The following RASA1 variants were observed in gnomAD, a reference collection of about 807,000 sequenced individuals.
The protein encoded by RASA1 is RAS p21 protein activator 1, also known as ras GTPase-activating protein 1.
In RASA1, 25 loss-of-function variants were observed where a neutral mutation model predicts 132.2. The observed-to-expected ratio is 0.19, with a 90% CI of 0.14 to 0.26. The LOEUF (loss-of-function observed/expected upper bound fraction) is 0.26, where lower values mean the gene tolerates loss of function less well. Ranked by LOEUF, RASA1 falls within the 10% of genes least tolerant of loss-of-function variation. The pLI is 1.00. For missense variants in RASA1, 964 were observed against 1,299.2 expected, an observed-to-expected ratio of 0.74 and a Z score of 3.97; for synonymous variants, 477 against 449.9, an observed-to-expected ratio of 1.06 and a Z score of -0.76.
chr5:87,369,549 T>C (rs1430966919), intron 11 of RASA1, among the ~76,000 whole-genome samples: 2 of 152,162 alleles, frequency 1.3e-5, no homozygotes, highest in East Asian at 1.9e-4. Context: ...TTTGTAACTT[T>C]ATTTCTAATG....
intron 4 of RASA1, among the ~76,000 whole-genome samples, chr5:87,335,150 G>A (rs1036001627): frequency 6.6e-6 from 1 of 152,100 alleles, no homozygotes; most frequent in Non-Finnish European, 1.5e-5. Context: ...CCAAAGTGCT[G>A]GAATTATGGG....
At chr5:87,271,036 T>G (rs573199084) in intron 1 of RASA1, among the ~76,000 whole-genome samples, 111 of 152,106 alleles carry the variant, frequency 7.3e-4, no homozygotes, top group Non-Finnish European at 1.4e-3. Flanking sequence ...GTCCGGAGTT[T>G]GAGACCAGCC....
Position 87,331,348 on chromosome 5 carries a change from G to T in RASA1, c.540G>T (p.Gln180His). The T allele has an allele frequency of 6.2e-7, 1 of 1,601,958 alleles. No homozygotes were observed. The highest frequency in any genetic ancestry group is 8.6e-7 in the Non-Finnish European group (1 of 1,169,064). ...AIPLTAPPTN[Q>H]WYHGKLDRTI... ...AATATCTTCTCTGTTTTTCCCCTAG[G>T]TGGTATCACGGAAAACTTGACAGAA... The change falls in exon 2 of 25, where the codon CAG becomes CAT. Residue 180 changes from glutamine (Q) to histidine (H), a missense_variant and splice_region_variant. Physicochemically the swap from Gln to His is conservative, Grantham distance 24. Transcript: ENST00000274376.
Position 87,377,176 on chromosome 5 carries a change from A to C in RASA1, c.2344+136A>C. The C allele has an allele frequency of 2.6e-6, 3 of 1,173,494 alleles. No homozygotes were observed. The Admixed American group carries it at 5.9e-5, about 23-fold the overall frequency. 72.7% of individuals were successfully genotyped at this position (1,173,494 alleles called of 1,614,324 possible). ...TAAGTTATTCTGTTTTCCCTCCTTA[A>C]AAATTGCAGTTGGATGTCAGTTCTG... On this transcript the variant is annotated intron_variant, in intron 17 of 24. Coordinates refer to ENST00000274376, the MANE Select transcript of RASA1 (RefSeq NM_002890.3).
At position 87,377,031 on chromosome 5, in the gene RASA1, A is replaced by C; in HGVS notation, c.2335A>C (p.Ser779Arg). 6.2e-7 allele frequency: 1 copy of C among 1,613,760 alleles called. No homozygotes were observed. Among genetic ancestry groups the C allele is most frequent in the African/African-American group, 1.3e-5 (1 of 75,050 alleles). ...LLCTLNDREI[S>R]MEDEATTLFR... ...ATGCACACTAAATGACAGAGAAATA[A>C]GCATGGAAGGTATGGTATGGCCATG... Residue 779 changes from serine (S) to arginine (R), a missense_variant, in exon 17 of 25, where the codon AGC becomes CGC. By Grantham distance (110) the Ser-to-Arg change is moderately radical (BLOSUM62 -1). Around this residue, in one of 6 missense-constraint regions of RASA1, gnomAD observed 346 missense variants for 520.1 expected, o/e 0.67. Coordinates refer to ENST00000274376, the MANE Select transcript of RASA1 (RefSeq NM_002890.3).
At chr5:87,285,226 C>T (rs1162772705) in intron 1 of RASA1, among the ~76,000 whole-genome samples, 5 of 151,840 alleles carry the variant, frequency 3.3e-5, no homozygotes, top group Non-Finnish European at 7.4e-5. Flanking sequence ...TGCCACCACG[C>T]CCAGCTAATT....
intron 10 of RASA1, among the ~76,000 whole-genome samples, chr5:87,362,930 T>TATGGCAC (rs1580355617): frequency 6.6e-6 from 1 of 151,420 alleles, no homozygotes. Flanking sequence ...AGGAACTCCT[T>TATGGCAC]ATGGCACATG....
rs975127817 is a variant in RASA1, at chr5:87,376,177, C to T, written c.2012-216C>T. ...CCTCTATGCAACTCAAAGAACACAT[C>T]TCAATCATCTCTGTACTCTCTACCT... On this transcript the variant is annotated intron_variant, in intron 15 of 24. Transcript: ENST00000274376. 8.4e-6 allele frequency: 5 copies of T among 595,272 alleles called. No individual in the cohort carries two copies. In the African/African-American group the frequency reaches 9.3e-5, roughly 11 times the overall value. 36.9% of individuals were successfully genotyped at this position (595,272 alleles called of 1,614,324 possible).
chr5:87,287,116 A>ATATATATACACACCG (rs1561256307), intron 1 of RASA1, among the ~76,000 whole-genome samples: 1 of 146,138 alleles, frequency 6.8e-6, no homozygotes, highest in Non-Finnish European at 1.5e-5. Context: ...TATACACACC[A>ATATATATACACACCG]TATATATACA....
rs1761207375 is a variant in RASA1, at chr5:87,374,780, G to C, written c.1935-60G>C. ...GGGTTTATTTGATACTAGAACTAAAGAAATAAGGTAGTTTGATGCCAAAAC... is the reference window on the plus strand; with the variant it reads ...GGGTTTATTTGATACTAGAACTAAACAAATAAGGTAGTTTGATGCCAAAAC... On this transcript the variant is annotated intron_variant, in intron 14 of 24. Transcript: ENST00000274376. The C allele has an allele frequency of 2.5e-6, 4 of 1,589,848 alleles. No homozygotes were observed. The East Asian group carries it at 9.2e-5, about 36-fold the overall frequency.
Position 87,349,271 on chromosome 5 carries a change from C to G in RASA1, c.1160C>G (p.Ser387Ter). The change falls in exon 8 of 25, where the codon TCA becomes TGA. Residue 387 changes from serine (S) to a stop codon, truncating the protein, a stop_gained. Coordinates refer to ENST00000274376, the MANE Select transcript of RASA1 (RefSeq NM_002890.3). LOFTEE classifies it high-confidence loss of function. ...RPSDNTPGDY[S>*]LYFRTNENIQ... ...TCAGATAATACTCCTGGCGATTATT[C>G]ACTTTATTTCCGGACCAATGAAAAT... 6.2e-7 allele frequency: 1 copy of G among 1,612,082 alleles called. No individual in the cohort carries two copies. Among genetic ancestry groups the G allele is most frequent in the Non-Finnish European group, 8.5e-7 (1 of 1,178,710 alleles).
chr5:87,283,922 C>G (rs1431733247), intron 1 of RASA1, among the ~76,000 whole-genome samples: 1 of 152,078 alleles, frequency 6.6e-6, no homozygotes, highest in Non-Finnish European at 1.5e-5. Flanking sequence ...TATTCATGTA[C>G]TTGCATGCAT....
intron 1 of RASA1, among the ~76,000 whole-genome samples, chr5:87,323,435 CCCCTG>C (rs1420769932): frequency 6.6e-6 from 1 of 152,002 alleles, no homozygotes; most frequent in Non-Finnish European, 1.5e-5. Flanking sequence ...AATGCCTGTT[CCCCTG>C]CCCTGTGCTC....
chr5:87,291,414 C>T (rs527476021), intron 1 of RASA1, among the ~76,000 whole-genome samples: 2 of 152,218 alleles, frequency 1.3e-5, no homozygotes, highest in South Asian at 4.2e-4. Flanking sequence ...ACCTGTGGTT[C>T]CAGCTACTCA....
chr5:87,384,304 T>C (rs537335863), intron 21 of RASA1, among the ~76,000 whole-genome samples: 1 of 152,296 alleles, frequency 6.6e-6, no homozygotes, highest in African/African-American at 2.4e-5. Flanking sequence ...TCCAGTTTTA[T>C]TACCCATATA....
chr5:87,346,728 C>T lies in RASA1; in HGVS notation c.1102+4C>T, dbSNP rs944277207. 5 of 1,538,232 alleles carry T rather than the reference C, an allele frequency of 3.3e-6. No homozygotes were observed. The African/African-American group carries it at 5.5e-5, about 17-fold the overall frequency. On this transcript the variant is annotated splice_donor_region_variant and intron_variant, in intron 7 of 24. Coordinates refer to ENST00000274376, the MANE Select transcript of RASA1 (RefSeq NM_002890.3). The stretch of plus-strand genomic sequence containing the variant: ...GCTTATAATTTACTAATGACAGGTA[C>T]TTACATATTTACTTGCTTTTCTAAT...
intron 1 of RASA1, among the ~76,000 whole-genome samples, chr5:87,311,418 C>G (rs1182439890): frequency 6.6e-6 from 1 of 152,094 alleles, no homozygotes; most frequent in Non-Finnish European, 1.5e-5. Context: ...TCTCTGAGAC[C>G]AACCTCAGGT....
At chr5:87,348,783 T>A (rs1392241842) in intron 7 of RASA1, among the ~76,000 whole-genome samples, 1 of 151,930 alleles carries the variant, frequency 6.6e-6, no homozygotes, top group African/African-American at 2.4e-5. Context: ...TAATGATTAA[T>A]TGAAAACATT....
At chr5:87,285,137 G>A (rs1412443568) in intron 1 of RASA1, among the ~76,000 whole-genome samples, 1 of 150,174 alleles carries the variant, frequency 6.7e-6, no homozygotes, top group African/African-American at 2.5e-5. Context: ...GTGTGATCTC[G>A]GCTCACTGCA....
Sources: allele counts gnomAD v4.1 joint callset (sites outside exome capture counted in the v4.1 genomes callset), GRCh38; gene constraint gnomAD v4.1.1; regional missense constraint gnomAD v4.1.1; transcripts MANE v1.5; gene names NCBI Gene and HGNC (gene_info 2026-07-23, HGNC 2026-07-21).